WEE2: variants seen among roughly 807,000 people sequenced by gnomAD.
WEE2 encodes wee1-like protein kinase 2.
Under a neutral mutation model 60.1 loss-of-function variants are expected in WEE2, and 50 were observed. The observed-to-expected ratio is 0.83, with a 90% CI of 0.66 to 1.05. The LOEUF (loss-of-function observed/expected upper bound fraction) is 1.05. Among genes scored for constraint, WEE2 ranks in the 50% least tolerant of loss-of-function variants. The pLI is 0.00. For synonymous variants in WEE2, 240 were observed against 241.0 expected, an observed-to-expected ratio of 1.00 and a Z score of 0.04; for missense variants, 631 against 684.3, an observed-to-expected ratio of 0.92 and a Z score of 0.87.
Position 141,708,672 on chromosome 7 carries a change from G to C in WEE2, c.-87G>C. ...TACCGTCGCGAAACCTGCAGGTTAA[G>C]TTATTTTCTCCTCCCTGCTTCTGTA... On this transcript the variant is annotated 5_prime_UTR_variant, in exon 1 of 12. Transcript: ENST00000397541. 1 of 1,221,232 alleles carries C rather than the reference G, an allele frequency of 8.2e-7. No homozygotes were observed. The highest frequency in any genetic ancestry group is 2.3e-5 in the East Asian group (1 of 42,710). 75.6% of individuals were successfully genotyped at this position (1,221,232 alleles called of 1,614,324 possible).
intron 6 of WEE2, 52 bp downstream of exon 6, chr7:141,723,332 TATC>T: frequency 6.3e-7 from 1 of 1,584,138 alleles, no homozygotes; most frequent in Non-Finnish European, 8.6e-7. Flanking sequence ...CTTTCTATGC[TATC>T]ATCAAAATCT....
At chr7:141,729,988 T>TAAA (rs752330849) in intron 11 of WEE2, among the ~76,000 whole-genome samples, 9 of 99,282 alleles carry the variant, frequency 9.1e-5, no homozygotes, top group South Asian at 3.4e-4. Context: ...ACTCTGTATC[T>TAAA]AAAAAAAAAA....
At chr7:141,720,400 A>G (rs913676267) in intron 4 of WEE2, among the ~76,000 whole-genome samples, 1 of 152,098 alleles carries the variant, frequency 6.6e-6, no homozygotes, top group Non-Finnish European at 1.5e-5. Flanking sequence ...TCCATAAGGA[A>G]TATCTCTCCC....
intron 3 of WEE2, among the ~76,000 whole-genome samples, chr7:141,717,087 C>T (rs947838649): frequency 2.6e-5 from 4 of 152,170 alleles, no homozygotes; most frequent in East Asian, 1.9e-4. Context: ...TGAAAACATG[C>T]GTATGTTAAT....
chr7:141,710,164 T>C (rs539709529), intron 1 of WEE2, among the ~76,000 whole-genome samples: 6 of 152,256 alleles, frequency 3.9e-5, no homozygotes, highest in Non-Finnish European at 7.4e-5. Context: ...GAATTCCCTA[T>C]AGGTAAGGAG....
intron 2 of WEE2, among the ~76,000 whole-genome samples, chr7:141,714,924 C>T (rs1351096026): frequency 2.0e-5 from 3 of 152,100 alleles, no homozygotes; most frequent in Non-Finnish European, 2.9e-5. Context: ...CCATAAAGGG[C>T]CCTGAATGAC....
Position 141,709,065 on chromosome 7 carries a change from A to C in WEE2, c.307A>C (p.Lys103Gln). 6.2e-7 allele frequency: 1 copy of C among 1,614,056 alleles called. No individual in the cohort carries two copies. Among genetic ancestry groups the C allele is most frequent in the Non-Finnish European group, 8.5e-7 (1 of 1,179,938 alleles). Reference protein sequence around the residue: ...ETPAQPDSRSKLLPSDSPSTP... With the variant: ...ETPAQPDSRSQLLPSDSPSTP... The stretch of plus-strand genomic sequence containing the variant: ...ACCAGCCCAACCAGACAGCAGGAGC[A>C]AGCTGCTGCCCAGTGACAGCCCCTC... Residue 103 changes from lysine to glutamine, a missense_variant, in exon 1 of 12, where the codon AAG (lysine) becomes CAG (glutamine). Physicochemically the swap from Lys to Gln is moderately conservative, Grantham distance 53 (BLOSUM62 1). Transcript: ENST00000397541.
intron 5 of WEE2, 124 bp downstream of exon 5, chr7:141,721,180 C>T: frequency 8.7e-7 from 1 of 1,150,390 alleles, no homozygotes; most frequent in Non-Finnish European, 1.3e-6. Flanking sequence ...AAAGTCTGTA[C>T]TATATATTAT....
intron 5 of WEE2, 67 bp downstream of exon 5, chr7:141,721,123 T>C (rs1488216387): frequency 6.3e-7 from 1 of 1,591,052 alleles, no homozygotes. Flanking sequence ...AGAAATAAAC[T>C]TTCCCTCCTC....
In WEE2 at chr7:141,714,288, C is replaced by T. The variant is rs1305280614; in HGVS notation, c.422C>T (p.Ala141Val). ...CCTAAGCATTTGAAGCTCACACCTG[C>T]TCCCCTCAAGGATGAGATGACCTCA... is the stretch of plus-strand genomic sequence containing the variant. ...RGPKHLKLTPAPLKDEMTSLA... is the reference protein window; with the variant it reads ...RGPKHLKLTPVPLKDEMTSLA... Residue 141 changes from alanine to valine, a missense_variant, in exon 2 of 12, where the codon GCT becomes GTT. Coordinates refer to ENST00000397541, the MANE Select transcript of WEE2 (RefSeq NM_001105558.1). The T allele has an allele frequency of 6.2e-7, 1 of 1,613,920 alleles. No homozygotes were observed. Among genetic ancestry groups the T allele is most frequent in the Non-Finnish European group, 8.5e-7 (1 of 1,179,854 alleles).
Position 141,708,864 on chromosome 7 carries a change from G to A in WEE2, c.106G>A (p.Ala36Thr). ...GQKKVEESRE[A>T]SSQTPEKGEV... ...GAAGAAAGTAGAAGAAAGCAGGGAG[G>A]CTTCGAGCCAAACCCCAGAGAAGGG... The change falls in exon 1 of 12, where the codon GCT becomes ACT. Residue 36 changes from alanine (A) to threonine (T), a missense_variant. Ala to Thr is a moderately conservative substitution (Grantham distance 58). Coordinates refer to ENST00000397541, the MANE Select transcript of WEE2 (RefSeq NM_001105558.1). The A allele has an allele frequency of 6.2e-7, 1 of 1,614,158 alleles. No individual in the cohort carries two copies.
At chr7:141,712,070 T>C (rs1477762261) in intron 1 of WEE2, among the ~76,000 whole-genome samples, 3 of 152,164 alleles carry the variant, frequency 2.0e-5, no homozygotes, top group Admixed American at 6.5e-5. Context: ...CAACATGATA[T>C]CCAAATGATA....
In WEE2 at chr7:141,724,066, C is replaced by A. The variant is rs1198952742; in HGVS notation, c.1135+18C>A. On this transcript the variant is annotated intron_variant, in intron 7 of 11. Transcript: ENST00000397541. ...TAAAATTGGTTAGTCTGCCTTATAG[C>A]CTTACCAGTTACCATTATCCTATAA... 1.9e-6 allele frequency: 3 copies of A among 1,582,150 alleles called. No homozygotes were observed. Among genetic ancestry groups the A allele is most frequent in the East Asian group, 2.2e-5 (1 of 44,662 alleles).
chr7:141,720,820 G>A (rs1563015020), intron 4 of WEE2, 115 bp from the exon 5 acceptor site: 12 of 1,113,984 alleles, frequency 1.1e-5, no homozygotes, highest in Middle Eastern at 4.4e-4. Context: ...AGCAAGCAGT[G>A]AGCTCTCAAT....
At chr7:141,722,901 A>G (rs912417833) in intron 5 of WEE2, among the ~76,000 whole-genome samples, 2 of 152,196 alleles carry the variant, frequency 1.3e-5, no homozygotes, top group African/African-American at 4.8e-5. Flanking sequence ...GGCAGATATT[A>G]TGCTTTGTAC....
At chr7:141,719,044 TA>T (rs779169724) in intron 3 of WEE2, 27 bp from the exon 4 acceptor site, 1 of 1,604,960 alleles carries the variant, frequency 6.2e-7, no homozygotes, top group Non-Finnish European at 8.5e-7. Flanking sequence ...AGAATTACTC[TA>T]ATTTCCTTTT....
At chr7:141,724,609 T>A (rs1798978347) in intron 8 of WEE2, among the ~76,000 whole-genome samples, 1 of 152,246 alleles carries the variant, frequency 6.6e-6, no homozygotes, top group South Asian at 2.1e-4. Flanking sequence ...CATGCCATTA[T>A]CCTTCTGATA....
At position 141,719,125 on chromosome 7, in the gene WEE2, G is replaced by A; in HGVS notation, c.639G>A (p.Leu213=). 1 of 1,614,060 alleles carries A rather than the reference G, an allele frequency of 6.2e-7. No individual in the cohort carries two copies. The highest frequency in any genetic ancestry group is 8.5e-7 in the Non-Finnish European group (1 of 1,179,976). Residue 213 remains leucine (L), a synonymous_variant, in exon 4 of 12, where the codon TTG becomes TTA. Transcript: ENST00000397541. ...CTTCCCGCTATGAAAAAGAATTCTT[G>A]GAGGTTGAAAAAATTGGGGTTGGCG... ...NMASRYEKEF[L]EVEKIGVGEF... is the part of the protein sequence containing the mutation.
At chr7:141,710,314 T>C (rs1013642284) in intron 1 of WEE2, among the ~76,000 whole-genome samples, 4 of 151,966 alleles carry the variant, frequency 2.6e-5, no homozygotes, top group Non-Finnish European at 4.4e-5. Flanking sequence ...GAAAGAAAGG[T>C]ATAGGAAGGG....
Sources: gnomAD v4.1 joint callset for allele counts (sites outside exome capture counted in the v4.1 genomes callset) on GRCh38, gnomAD v4.1.1 for gene constraint, MANE v1.5 for transcripts, NCBI Gene and HGNC (gene_info 2026-07-23, HGNC 2026-07-21) for gene names.